Variants in TCF4 observed in about 807,000 individuals in gnomAD.
The protein encoded by TCF4 is transcription factor 4, also known as SL3-3 enhancer factor 2.
In TCF4, 3 loss-of-function variants were observed where a neutral mutation model predicts 82.1. That is an observed-to-expected ratio of 0.04 (90% confidence interval 0.02 to 0.09). The LOEUF (loss-of-function observed/expected upper bound fraction) is 0.09, where lower values mean the gene tolerates loss of function less well. Among genes scored for constraint, TCF4 ranks in the 10% least tolerant of loss-of-function variants. The pLI, the probability that TCF4 is intolerant of heterozygous loss-of-function variation, is 1.00. For missense variants in TCF4, 518 were observed against 852.7 expected (o/e 0.61, Z 4.89); for synonymous variants, 276 against 309.6 (o/e 0.89, Z 1.14).
chr18:55,500,077 G>A (rs995334757), intron 3 of TCF4, among the ~76,000 whole-genome samples: 2 of 152,152 alleles, frequency 1.3e-5, no homozygotes, highest in African/African-American at 4.8e-5. Context: ...CAGCTACTCG[G>A]AGGCTGAGGC....
chr18:55,505,838 T>C, intron 3 of TCF4, among the ~76,000 whole-genome samples: 1 of 132,866 alleles, frequency 7.5e-6, no homozygotes, highest in South Asian at 2.4e-4. Context: ...CCAGAACAAA[T>C]AACTATGACA....
At chr18:55,442,018 G>A (rs992253050) in intron 5 of TCF4, among the ~76,000 whole-genome samples, 5 of 152,120 alleles carry the variant, frequency 3.3e-5, no homozygotes, top group African/African-American at 1.2e-4. Context: ...TTTTCTTATA[G>A]CACTAATGTT....
intron 8 of TCF4, among the ~76,000 whole-genome samples, chr18:55,348,105 T>G (rs1441877277): frequency 4.6e-5 from 7 of 152,188 alleles, no homozygotes; most frequent in Non-Finnish European, 8.8e-5. Flanking sequence ...GGAATCAAGT[T>G]AAAATAAATA....
chr18:55,589,000 T>A (rs1479744371), upstream of TCF4, among the ~76,000 whole-genome samples: 2 of 152,160 alleles, frequency 1.3e-5, no homozygotes, highest in Non-Finnish European at 2.9e-5. Flanking sequence ...TTCACATCAC[T>A]TTTTAGGATA....
At chr18:55,478,337 T>G (rs1378447257) in intron 3 of TCF4, among the ~76,000 whole-genome samples, 1 of 152,204 alleles carries the variant, frequency 6.6e-6, no homozygotes, top group African/African-American at 2.4e-5. Context: ...TTTTATTTGA[T>G]TTGTACTGAT....
chr18:55,559,953 C>G (rs1401059593), intron 3 of TCF4, among the ~76,000 whole-genome samples: 2 of 152,130 alleles, frequency 1.3e-5, no homozygotes, highest in African/African-American at 4.8e-5. Flanking sequence ...GGCCTTGATT[C>G]AAAACACAGC....
At chr18:55,553,170 C>G (rs2097274725) in intron 3 of TCF4, 1 of 152,182 alleles carries the variant, frequency 6.6e-6, no homozygotes, top group Non-Finnish European at 1.5e-5. Context: ...AACCAAAGCA[C>G]TTAGATAATT....
intron 10 of TCF4, among the ~76,000 whole-genome samples, chr18:55,271,783 A>G (rs1348785138): frequency 1.3e-5 from 2 of 152,128 alleles, no homozygotes; most frequent in African/African-American, 4.8e-5. Flanking sequence ...TCCATAGTAC[A>G]GCTATTCTGA....
chr18:55,480,658 G>A (rs1328564227), intron 3 of TCF4, among the ~76,000 whole-genome samples: 7 of 152,312 alleles, frequency 4.6e-5, no homozygotes, highest in East Asian at 3.9e-4. Context: ...TGTGTAAGGC[G>A]TGGCCCTGTT....
At position 55,261,551 on chromosome 18, in the gene TCF4, A is replaced by G; in HGVS notation, c.923-18T>C. On this transcript the variant is annotated intron_variant, in intron 11 of 19. Coordinates refer to ENST00000354452, the MANE Select transcript of TCF4 (RefSeq NM_001083962.2). ...TCTATTTGCTGCAAAAACAAAAGGC[A>G]GAATATGAAAACCAGGCAGTGAGAC... is the stretch of plus-strand genomic sequence containing the variant. 6.2e-7 allele frequency: 1 copy of G among 1,613,884 alleles called. No homozygotes were observed. Among genetic ancestry groups the G allele is most frequent in the East Asian group, 2.2e-5 (1 of 44,870 alleles).
intron 8 of TCF4, among the ~76,000 whole-genome samples, chr18:55,285,084 A>G (rs551068233): frequency 4.6e-5 from 7 of 152,338 alleles, no homozygotes; most frequent in Non-Finnish European, 8.8e-5. Context: ...TTCAGAAGAG[A>G]TAAGATGGAC....
chr18:55,416,652 C>A (rs2094535561), intron 5 of TCF4, among the ~76,000 whole-genome samples: 1 of 152,146 alleles, frequency 6.6e-6, no homozygotes, highest in Non-Finnish European at 1.5e-5. Context: ...ACATGTAGGT[C>A]ACAATAAATA....
At chr18:55,627,423 A>G (rs1347488745) in intron 2 of TCF4, among the ~76,000 whole-genome samples, 6 of 152,166 alleles carry the variant, frequency 3.9e-5, no homozygotes, top group Non-Finnish European at 4.4e-5. Flanking sequence ...ACAGGGTACA[A>G]TGGCAATGCA....
At chr18:55,572,852 G>A (rs755315223) in intron 3 of TCF4, among the ~76,000 whole-genome samples, 3 of 152,072 alleles carry the variant, frequency 2.0e-5, no homozygotes, top group Non-Finnish European at 2.9e-5. Context: ...TCGGGAGTTC[G>A]AGACCAGTCT....
chr18:55,429,784 A>AAAAAAC (rs1569464224), intron 5 of TCF4, among the ~76,000 whole-genome samples: 6 of 150,830 alleles, frequency 4.0e-5, no homozygotes, highest in African/African-American at 7.3e-5. Context: ...AAAAAAAAAA[A>AAAAAAC]AAAAACAATT....
At chr18:55,489,888 T>G (rs764455479) in intron 3 of TCF4, among the ~76,000 whole-genome samples, 1 of 152,204 alleles carries the variant, frequency 6.6e-6, no homozygotes, top group African/African-American at 2.4e-5. Flanking sequence ...GGCTCGGTGA[T>G]GAAAAGCAGT....
At chr18:55,491,545 C>T (rs995234344) in intron 3 of TCF4, among the ~76,000 whole-genome samples, 1 of 152,110 alleles carries the variant, frequency 6.6e-6, no homozygotes, top group Admixed American at 6.6e-5. Flanking sequence ...ATCCAGTTGC[C>T]CTTTATGTCC....
intron 5 of TCF4, among the ~76,000 whole-genome samples, chr18:55,425,171 T>C (rs1367086035): frequency 6.6e-6 from 1 of 152,174 alleles, no homozygotes; most frequent in African/African-American, 2.4e-5. Context: ...ACAGGCTAAG[T>C]TGGGTGAGAA....
chr18:55,234,113 C>T (rs944963871), intron 16 of TCF4, among the ~76,000 whole-genome samples: 4 of 152,102 alleles, frequency 2.6e-5, no homozygotes, highest in Non-Finnish European at 5.9e-5. Context: ...GACTCAAGAG[C>T]GAAAATCATG....
Sources: gnomAD v4.1 joint callset for allele counts (sites outside exome capture counted in the v4.1 genomes callset) on GRCh38, gnomAD v4.1.1 for gene constraint, MANE v1.5 for transcripts, NCBI Gene and HGNC (gene_info 2026-07-23, HGNC 2026-07-21) for gene names.